MSI2: variants seen among roughly 807,000 people sequenced by gnomAD.
MSI2 encodes the protein musashi RNA binding protein 2, also known as RNA-binding protein Musashi homolog 2.
A neutral mutation model predicts 45.6 loss-of-function variants in MSI2; 17 were observed. That is an observed-to-expected ratio of 0.37 (90% CI 0.26 to 0.56). The LOEUF (loss-of-function observed/expected upper bound fraction) is 0.56. MSI2 is among the 20% of genes least tolerant of loss of function. The pLI is 0.77. For synonymous variants in MSI2, 156 were observed against 158.2 expected (o/e 0.99, Z 0.11); for missense variants, 293 against 444.2 (o/e 0.66, Z 3.06).
chr17:57,465,418 A>G (rs138023837), intron 6 of MSI2, among the ~76,000 whole-genome samples: 28 of 152,126 alleles, frequency 1.8e-4, no homozygotes, highest in Admixed American at 9.9e-4. Context: ...CTAACCAGGG[A>G]AAATGAGGTA....
rs116705807 is a variant in MSI2 at position 57,682,640 on chromosome 17, T to C, written c.*3123T>C. The C allele has an allele frequency of 3.5e-3, 740 of 213,954 alleles. 2 individuals carry two copies. The highest frequency in any genetic ancestry group is 0.016 in the African/African-American group (706 of 44,318). 13.3% of individuals were successfully genotyped at this position (213,954 alleles called of 1,614,324 possible). On this transcript the variant is annotated 3_prime_UTR_variant, in exon 14 of 14. Coordinates refer to ENST00000284073, the MANE Select transcript of MSI2 (RefSeq NM_138962.4). ...CCCCCATTCCATCTAGAAGTCCATTTTGAAAGATTTTTGTAAATTCTTTTA... is the reference window on the plus strand; with the variant it reads ...CCCCCATTCCATCTAGAAGTCCATTCTGAAAGATTTTTGTAAATTCTTTTA...
At chr17:57,333,591 C>T (rs1368215628) in intron 5 of MSI2, among the ~76,000 whole-genome samples, 1 of 152,040 alleles carries the variant, frequency 6.6e-6, no homozygotes, top group African/African-American at 2.4e-5. Context: ...GTGTGTGCCA[C>T]CACACCTAGC....
chr17:57,453,589 G>A lies in MSI2; in HGVS notation c.405+52118G>A, dbSNP rs536629203. Among the ~76,000 whole-genome samples the A allele has an allele frequency of 7.9e-5, 12 of 152,314 alleles. No individual in the cohort carries two copies. In the East Asian group the frequency reaches 2.3e-3, roughly 29 times the overall value. Reference sequence around the variant, plus strand: ...TGCCAACATCAGAAGAGCCACTTGAGCAGACACAAGCATTTGCCTGTGTAC... The same window carrying A: ...TGCCAACATCAGAAGAGCCACTTGAACAGACACAAGCATTTGCCTGTGTAC... On this transcript the variant is annotated intron_variant, in intron 6 of 13. Transcript: ENST00000284073.
In MSI2 at chr17:57,580,780, A is replaced by G. The variant is rs9916237; in HGVS notation, c.455-16088A>G. 4.1e-3 allele frequency among the ~76,000 whole-genome samples: 620 copies of G among 152,198 alleles called. 2 individuals are homozygous for G. Among genetic ancestry groups the G allele is most frequent in the African/African-American group, 0.014 (581 of 41,518 alleles). ...CTAGGTGAGTTCAAATACACTTCCA[A>G]ATCGCTCAGCTTTGGTACCTCAGAG... On this transcript the variant is annotated intron_variant, in intron 7 of 13. Transcript: ENST00000284073.
chr17:57,293,770 G>A (rs1378921062), intron 5 of MSI2, among the ~76,000 whole-genome samples: 9 of 151,608 alleles, frequency 5.9e-5, no homozygotes, highest in African/African-American at 2.2e-4. Flanking sequence ...CACCACACCC[G>A]GCTAATTTTG....
At chr17:57,440,465 TG>T (rs2084778940) in intron 6 of MSI2, among the ~76,000 whole-genome samples, 1 of 144,040 alleles carries the variant, frequency 6.9e-6, no homozygotes, top group Admixed American at 7.0e-5. Flanking sequence ...TGTGTGTGTG[TG>T]TAGCGTGGCT....
At chr17:57,519,528 G>A (rs899180456) in intron 6 of MSI2, among the ~76,000 whole-genome samples, 2 of 152,096 alleles carry the variant, frequency 1.3e-5, no homozygotes, top group African/African-American at 2.4e-5. Flanking sequence ...GGAGGAGCCC[G>A]GTGATCTCGA....
chr17:57,390,039 A>T (rs980869363), intron 5 of MSI2, among the ~76,000 whole-genome samples: 19 of 150,004 alleles, frequency 1.3e-4, no homozygotes, highest in African/African-American at 4.7e-4. Context: ...GGAGCTTGAG[A>T]CCAGCCTGCG....
At chr17:57,267,755 C>T (rs909325548) in intron 5 of MSI2, 2 of 151,992 alleles carry the variant, frequency 1.3e-5, no homozygotes, top group Non-Finnish European at 1.5e-5. Flanking sequence ...AGGAAATACT[C>T]GGTGCTTCCT....
chr17:57,447,314 G>A (rs1372606452), intron 6 of MSI2, among the ~76,000 whole-genome samples: 2 of 152,002 alleles, frequency 1.3e-5, no homozygotes, highest in South Asian at 2.1e-4. Flanking sequence ...ATGTTGCCTG[G>A]GCTGGTCTTG....
chr17:57,590,177 C>G (rs1291325634), intron 7 of MSI2, among the ~76,000 whole-genome samples: 2 of 152,008 alleles, frequency 1.3e-5, no homozygotes, highest in East Asian at 3.8e-4. Flanking sequence ...TAACTCATGA[C>G]TTGCATTGAT....
At chr17:57,256,897 G>GC (rs1212757003) in intron 1 of MSI2, 93 bp downstream of exon 1, 25 of 790,044 alleles carry the variant, frequency 3.2e-5, no homozygotes, top group African/African-American at 2.4e-4. Context: ...CATCTCCCGC[G>GC]CCCCCCCGCC....
chr17:57,439,559 C>CTTT (rs758957801), intron 6 of MSI2, among the ~76,000 whole-genome samples: 1 of 137,242 alleles, frequency 7.3e-6, no homozygotes. Context: ...TAGGCTTTGT[C>CTTT]TTTTTTTTTT....
intron 7 of MSI2, among the ~76,000 whole-genome samples, chr17:57,581,645 C>A (rs1235011056): frequency 6.6e-6 from 1 of 152,196 alleles, no homozygotes; most frequent in East Asian, 1.9e-4. Flanking sequence ...TGTAGAGGGG[C>A]TGAGGGTGAA....
chr17:57,626,554 G>T (rs1344673328), intron 9 of MSI2: 1 of 152,286 alleles, frequency 6.6e-6, no homozygotes, highest in Non-Finnish European at 1.5e-5. Flanking sequence ...CTGAGACAGG[G>T]GTCTAGAAAC....
At chr17:57,521,901 G>A (rs188982204) in intron 6 of MSI2, among the ~76,000 whole-genome samples, 119 of 152,254 alleles carry the variant, frequency 7.8e-4, no homozygotes, top group Non-Finnish European at 1.3e-3. Context: ...CTTCTTCTCC[G>A]TCCTTCCTCT....
At chr17:57,340,421 G>A (rs1384594657) in intron 5 of MSI2, among the ~76,000 whole-genome samples, 1 of 152,236 alleles carries the variant, frequency 6.6e-6, no homozygotes, top group Non-Finnish European at 1.5e-5. Flanking sequence ...TTTGGAGGCT[G>A]AAATGAGATG....
At chr17:57,562,058 G>A (rs998727038) in intron 7 of MSI2, among the ~76,000 whole-genome samples, 6 of 152,190 alleles carry the variant, frequency 3.9e-5, no homozygotes, top group African/African-American at 1.4e-4. Context: ...GATTGCTATA[G>A]ATTAAATGAG....
chr17:57,348,599 T>A (rs1915791212), intron 5 of MSI2, among the ~76,000 whole-genome samples: 1 of 152,108 alleles, frequency 6.6e-6, no homozygotes, highest in African/African-American at 2.4e-5. Context: ...TTTCTTGCCA[T>A]GTGATACATT....
Sources: allele counts gnomAD v4.1 joint callset (sites outside exome capture counted in the v4.1 genomes callset), GRCh38; gene constraint gnomAD v4.1.1; transcripts MANE v1.5; gene names NCBI Gene and HGNC (gene_info 2026-07-23, HGNC 2026-07-21).